The following NKAIN3 variants were observed in gnomAD, a reference collection of about 807,000 sequenced individuals.
NKAIN3 encodes the protein sodium/potassium transporting ATPase interacting 3.
In NKAIN3, 25 loss-of-function variants were observed where a neutral mutation model predicts 30.2. That is an observed-to-expected ratio of 0.83 (90% CI 0.60 to 1.16). The LOEUF (loss-of-function observed/expected upper bound fraction) is 1.16. Ranked by LOEUF, NKAIN3 falls within the 50% of genes most tolerant of loss-of-function variation. NKAIN3 has a pLI of 0.00. For synonymous variants in NKAIN3, 91 were observed against 89.6 expected (o/e 1.02, Z -0.09); for missense variants, 225 against 254.1 (o/e 0.89, Z 0.78).
chr8:62,759,911 A>T (rs187741233), intron 4 of NKAIN3, among the ~76,000 whole-genome samples: 1 of 152,330 alleles, frequency 6.6e-6, no homozygotes, highest in Non-Finnish European at 1.5e-5. Flanking sequence ...GAACTCAAAC[A>T]AATTTACAAA....
At chr8:62,446,810 T>G (rs1805500145) in intron 1 of NKAIN3, among the ~76,000 whole-genome samples, 1 of 152,064 alleles carries the variant, frequency 6.6e-6, no homozygotes, top group Non-Finnish European at 1.5e-5. Flanking sequence ...CAGGGTTAAG[T>G]CATATTCCGC....
chr8:62,821,681 G>A (rs73684089), intron 4 of NKAIN3, among the ~76,000 whole-genome samples: 3,244 of 152,136 alleles, frequency 0.021, 123 homozygotes, highest in African/African-American at 0.074. Context: ...ACAAAGAAAC[G>A]TAAGCATTAG....
chr8:62,544,882 T>C (rs1379963864), intron 1 of NKAIN3, among the ~76,000 whole-genome samples: 1 of 152,180 alleles, frequency 6.6e-6, no homozygotes, highest in Non-Finnish European at 1.5e-5. Context: ...TTGTACGTTA[T>C]ATGTATTATA....
rs202204275 is a variant in NKAIN3 at position 62,345,450 on chromosome 8, C to T, written c.54+96323C>T. On this transcript the variant is annotated intron_variant, in intron 1 of 6. Coordinates refer to ENST00000623646, the MANE Select transcript of NKAIN3 (RefSeq NM_001304533.3). ...ATACACATATATGTATATATACACA[C>T]ATATGTATATATACACATATATACA... 2.4e-3 allele frequency among the ~76,000 whole-genome samples: 191 copies of T among 77,968 alleles called. 32 individuals are homozygous for T. The highest frequency in any genetic ancestry group is 0.011 in the African/African-American group (175 of 15,868). 51.2% of individuals were successfully genotyped at this position (77,968 alleles called of 152,430 possible).
chr8:62,853,176 G>T (rs1025772734), intron 4 of NKAIN3, among the ~76,000 whole-genome samples: 3 of 152,072 alleles, frequency 2.0e-5, no homozygotes, highest in Admixed American at 6.6e-5. Context: ...AGTTAGCTCT[G>T]CTTGTTGAAT....
At chr8:62,381,463 A>T (rs1358374811) in intron 1 of NKAIN3, among the ~76,000 whole-genome samples, 1 of 152,148 alleles carries the variant, frequency 6.6e-6, no homozygotes, top group Non-Finnish European at 1.5e-5. Context: ...TAGGTTTAGA[A>T]TGTACTGTTT....
At chr8:62,987,904 AC>A (rs1824236428), downstream of NKAIN3, among the ~76,000 whole-genome samples, 1 of 152,182 alleles carries the variant, frequency 6.6e-6, no homozygotes, top group African/African-American at 2.4e-5. Context: ...TGCCTATGAG[AC>A]TGTAAAAATC....
At chr8:62,284,483 G>A (rs551301822) in intron 1 of NKAIN3, among the ~76,000 whole-genome samples, 34 of 152,040 alleles carry the variant, frequency 2.2e-4, no homozygotes, top group African/African-American at 7.7e-4. Context: ...AAAATTAGGC[G>A]GGCATGGTGG....
intron 1 of NKAIN3, among the ~76,000 whole-genome samples, chr8:62,521,443 C>A (rs947877412): frequency 5.3e-4 from 80 of 152,050 alleles, no homozygotes; most frequent in African/African-American, 1.8e-3. Context: ...TGGAAGAGTC[C>A]TTTCTATGGC....
At chr8:62,477,794 A>T (rs1200902351) in intron 1 of NKAIN3, among the ~76,000 whole-genome samples, 6 of 152,152 alleles carry the variant, frequency 3.9e-5, no homozygotes, top group Admixed American at 3.9e-4. Context: ...GCTGGGGATA[A>T]GAGGATTGAC....
intron 1 of NKAIN3, among the ~76,000 whole-genome samples, chr8:62,554,018 C>A (rs58708057): frequency 2.2e-4 from 34 of 152,284 alleles, no homozygotes; most frequent in African/African-American, 8.2e-4. Context: ...CCTCAACATA[C>A]AGCGATGACT....
At chr8:62,670,439 C>T (rs573422151) in intron 3 of NKAIN3, among the ~76,000 whole-genome samples, 21 of 152,100 alleles carry the variant, frequency 1.4e-4, no homozygotes, top group Non-Finnish European at 2.9e-4. Context: ...CTTTACACTT[C>T]CGACACAACG....
Position 62,977,498 on chromosome 8 carries a change from T to C in NKAIN3, c.*12091T>C, listed in dbSNP as rs1308669952. On this transcript the variant is annotated 3_prime_UTR_variant, in exon 7 of 7. Coordinates refer to ENST00000623646, the MANE Select transcript of NKAIN3 (RefSeq NM_001304533.3). Reference sequence around the variant, plus strand: ...GCTTGATCGATTCAGCTATTGATACTTGTGTATGCTTCATGAAGTTCTCGT... The same window carrying C: ...GCTTGATCGATTCAGCTATTGATACCTGTGTATGCTTCATGAAGTTCTCGT... Among the ~76,000 whole-genome samples, 1 of 151,994 alleles carries C rather than the reference T, an allele frequency of 6.6e-6. No individual in the cohort carries two copies. Among genetic ancestry groups the C allele is most frequent in the Admixed American group, 6.6e-5 (1 of 15,244 alleles).
In NKAIN3 at chr8:62,404,869, C is replaced by G. The variant is rs200160433; in HGVS notation, c.54+155742C>G. 5.9e-5 allele frequency among the ~76,000 whole-genome samples: 9 copies of G among 152,136 alleles called. No homozygotes were observed. In the East Asian group the frequency reaches 1.8e-3, roughly 30 times the overall value. ...TAGCTGAGAATGTGTTAGGTCACAC[C>G]GAAAGCAAGCACATCTCTGGGTCTC... On this transcript the variant is annotated intron_variant, in intron 1 of 6. Coordinates refer to ENST00000623646, the MANE Select transcript of NKAIN3 (RefSeq NM_001304533.3).
chr8:62,659,674 A>G (rs137945043), intron 3 of NKAIN3, among the ~76,000 whole-genome samples: 282 of 152,260 alleles, frequency 1.9e-3, no homozygotes, highest in African/African-American at 6.6e-3. Flanking sequence ...AGGTTTGACC[A>G]TGCACTTGGT....
At chr8:62,524,623 G>A (rs2129802015) in intron 1 of NKAIN3, among the ~76,000 whole-genome samples, 1 of 152,194 alleles carries the variant, frequency 6.6e-6, no homozygotes, top group Non-Finnish European at 1.5e-5. Context: ...TAACCCTCAT[G>A]GCATTCTTCA....
chr8:62,332,346 G>A (rs977626722), intron 1 of NKAIN3, among the ~76,000 whole-genome samples: 2 of 151,876 alleles, frequency 1.3e-5, no homozygotes, highest in Admixed American at 6.6e-5. Flanking sequence ...TATATTTTCA[G>A]TAAAAATAAA....
chr8:62,877,362 C>T (rs1268262781), intron 4 of NKAIN3, among the ~76,000 whole-genome samples: 1 of 152,232 alleles, frequency 6.6e-6, no homozygotes, highest in Non-Finnish European at 1.5e-5. Context: ...AATGGAGGCA[C>T]TTAAGGTAGA....
At chr8:62,586,602 A>AGAAT (rs2130091411) in intron 2 of NKAIN3, among the ~76,000 whole-genome samples, 1 of 152,270 alleles carries the variant, frequency 6.6e-6, no homozygotes, top group South Asian at 2.1e-4. Context: ...TGTATATGAA[A>AGAAT]GAATGAATGA....
Sources: allele counts gnomAD v4.1 joint callset (sites outside exome capture counted in the v4.1 genomes callset), GRCh38; gene constraint gnomAD v4.1.1; transcripts MANE v1.5; gene names NCBI Gene and HGNC (gene_info 2026-07-23, HGNC 2026-07-21).